Variants in UNC13C observed in about 807,000 individuals in gnomAD.
The protein encoded by UNC13C is unc-13 homolog C, also known as protein unc-13 homolog C.
UNC13C carries 174 observed loss-of-function variants against 245.4 expected under a neutral mutation model. The observed-to-expected ratio is 0.71, with a 90% CI of 0.63 to 0.80. The LOEUF (loss-of-function observed/expected upper bound fraction) is 0.80, where lower values mean the gene tolerates loss of function less well. Ranked by LOEUF, UNC13C falls within the 30% of genes least tolerant of loss-of-function variation. The pLI is 0.00. For synonymous variants in UNC13C, 992 were observed against 895.1 expected (o/e 1.11, Z -1.93); for missense variants, 2,829 against 2,602.9 (o/e 1.09, Z -1.89).
chr15:54,611,470 T>C (rs1900089828), intron 30 of UNC13C: 1 of 152,100 alleles, frequency 6.6e-6, no homozygotes, highest in Admixed American at 6.6e-5. Flanking sequence ...GGACAGTATA[T>C]TCAAGAAATC....
At chr15:54,456,878 C>T (rs1891560849) in intron 19 of UNC13C, among the ~76,000 whole-genome samples, 1 of 151,992 alleles carries the variant, frequency 6.6e-6, no homozygotes, top group Admixed American at 6.6e-5. Flanking sequence ...ATTACTTTCT[C>T]TTGTCTGTCT....
intron 10 of UNC13C, among the ~76,000 whole-genome samples, chr15:54,276,638 G>C (rs2036840281): frequency 6.6e-6 from 1 of 152,020 alleles, no homozygotes; most frequent in African/African-American, 2.4e-5. Flanking sequence ...GTTCCTTAAT[G>C]GGCTAGTTAG....
At chr15:53,937,502 G>A in the UNC13C span, among the ~76,000 whole-genome samples, 1 of 152,044 alleles carries the variant, frequency 6.6e-6, no homozygotes, top group Non-Finnish European at 1.5e-5. Context: ...TAGCAAGACA[G>A]GCCAGCATTC....
chr15:54,476,767 G>A (rs555167170), intron 19 of UNC13C, among the ~76,000 whole-genome samples: 3 of 146,774 alleles, frequency 2.0e-5, no homozygotes, highest in South Asian at 4.5e-4. Context: ...TGTTCTTTTG[G>A]CTTAGGATTG....
intron 2 of UNC13C, among the ~76,000 whole-genome samples, chr15:54,129,710 C>T (rs1391666459): frequency 6.6e-6 from 1 of 151,516 alleles, no homozygotes; most frequent in Non-Finnish European, 1.5e-5. Flanking sequence ...ATATCATTCT[C>T]TCAGAACTTT....
At chr15:54,592,890 T>C (rs978561615) in intron 30 of UNC13C, among the ~76,000 whole-genome samples, 3 of 151,896 alleles carry the variant, frequency 2.0e-5, no homozygotes, top group Non-Finnish European at 4.4e-5. Context: ...ACTTGTATTT[T>C]TGTTGTATAG....
intron 30 of UNC13C, among the ~76,000 whole-genome samples, chr15:54,576,406 T>C (rs1288954558): frequency 6.6e-6 from 1 of 152,220 alleles, no homozygotes; most frequent in African/African-American, 2.4e-5. Context: ...TCACTGAATC[T>C]CTCTTCTGTT....
chr15:54,344,752 C>T (rs2038821321), intron 17 of UNC13C, among the ~76,000 whole-genome samples: 1 of 152,124 alleles, frequency 6.6e-6, no homozygotes, highest in South Asian at 2.1e-4. Flanking sequence ...CACCTGTCTT[C>T]AAATTCTAAT....
Position 54,338,484 on chromosome 15 carries a change from G to C in UNC13C, c.4708G>C (p.Asp1570His). Residue 1570 changes from aspartate (D) to histidine (H), a missense_variant, in exon 17 of 33, where the codon GAC (aspartate) becomes CAC (histidine). Transcript: ENST00000260323. The part of the protein sequence containing the change: ...NCHELYSQLT[D>H]PSKKQDIPRE... Reference sequence around the variant, plus strand: ...CCATGAACTCTACTCCCAGCTAACAGACCCGGTAAGAAAATATGTATGTCT... The same window carrying C: ...CCATGAACTCTACTCCCAGCTAACACACCCGGTAAGAAAATATGTATGTCT... The C allele has an allele frequency of 6.2e-7, 1 of 1,612,652 alleles. No homozygotes were observed. Among genetic ancestry groups the C allele is most frequent in the Non-Finnish European group, 8.5e-7 (1 of 1,178,992 alleles).
chr15:54,538,955 T>A (rs1896122301), intron 26 of UNC13C, among the ~76,000 whole-genome samples: 1 of 151,988 alleles, frequency 6.6e-6, no homozygotes, highest in South Asian at 2.1e-4. Flanking sequence ...GCATGCAATT[T>A]TCCCATGTAA....
At chr15:54,422,021 A>G (rs2140961244) in intron 19 of UNC13C, among the ~76,000 whole-genome samples, 1 of 152,194 alleles carries the variant, frequency 6.6e-6, no homozygotes, top group Middle Eastern at 3.4e-3. Flanking sequence ...AAGCATGTCC[A>G]TTAGACATCT....
intron 19 of UNC13C, among the ~76,000 whole-genome samples, chr15:54,455,321 G>C (rs1377052192): frequency 6.7e-6 from 1 of 148,706 alleles, no homozygotes; most frequent in South Asian, 2.1e-4. Flanking sequence ...CTATAAGTAT[G>C]CATGTGCAGT....
chr15:53,996,831 G>GATT (rs765198441), intron 1 of UNC13C, among the ~76,000 whole-genome samples: 1 of 81,558 alleles, frequency 1.2e-5, no homozygotes, highest in African/African-American at 3.3e-5. Context: ...TCTCCTGATG[G>GATT]GTTTTTTTTT....
At chr15:54,460,597 G>C (rs1052558555) in intron 19 of UNC13C, among the ~76,000 whole-genome samples, 2 of 152,320 alleles carry the variant, frequency 1.3e-5, no homozygotes, top group South Asian at 4.1e-4. Flanking sequence ...CCCTAAGTTG[G>C]CCAGGATAAG....
intron 2 of UNC13C, among the ~76,000 whole-genome samples, chr15:54,140,355 T>C (rs1437283413): frequency 1.3e-5 from 2 of 152,134 alleles, no homozygotes; most frequent in Admixed American, 6.5e-5. Flanking sequence ...ATTTAAGAAA[T>C]GGTTATTAGT....
intron 29 of UNC13C, among the ~76,000 whole-genome samples, chr15:54,557,459 C>T (rs951724511): frequency 2.0e-5 from 3 of 151,860 alleles, no homozygotes; most frequent in African/African-American, 7.3e-5. Flanking sequence ...GAGATTTGCA[C>T]CAACTTACTG....
the UNC13C span, among the ~76,000 whole-genome samples, chr15:53,868,971 G>A: frequency 0.26 from 39,392 of 152,016 alleles, 6,302 homozygotes; most frequent in Non-Finnish European, 0.34. Context: ...TTAGTCGGGC[G>A]TGGTGGTGCA....
chr15:54,204,380 A>G (rs889460687), intron 4 of UNC13C, among the ~76,000 whole-genome samples: 3 of 151,698 alleles, frequency 2.0e-5, no homozygotes, highest in Non-Finnish European at 4.4e-5. Context: ...ATAATTCAAT[A>G]AAAAAGAATT....
the UNC13C span, among the ~76,000 whole-genome samples, chr15:53,945,813 T>C: frequency 6.6e-6 from 1 of 152,310 alleles, no homozygotes; most frequent in Non-Finnish European, 1.5e-5. Flanking sequence ...AGGAATAGCA[T>C]TGAATCTATA....
Sources: gnomAD v4.1 joint callset for allele counts (sites outside exome capture counted in the v4.1 genomes callset) on GRCh38, gnomAD v4.1.1 for gene constraint, MANE v1.5 for transcripts, NCBI Gene and HGNC (gene_info 2026-07-23, HGNC 2026-07-21) for gene names.